CFDP1: variants seen among roughly 807,000 people sequenced by gnomAD.
CFDP1 encodes the protein heterochromatin-stabilizing protein CFDP1.
CFDP1 carries 31 observed loss-of-function variants against 40.1 expected under a neutral mutation model. The observed-to-expected ratio is 0.77, with a 90% CI of 0.58 to 1.04. CFDP1 has a LOEUF of 1.04. Among genes scored for constraint, CFDP1 ranks in the 50% least tolerant of loss-of-function variants. CFDP1 has a pLI of 0.00. For synonymous variants in CFDP1, 167 were observed against 120.0 expected, an observed-to-expected ratio of 1.39 and a Z score of -2.56; for missense variants, 423 against 343.4, an observed-to-expected ratio of 1.23 and a Z score of -1.83.
At chr16:75,431,016 G>T (rs920873269) in intron 1 of CFDP1, among the ~76,000 whole-genome samples, 3 of 152,148 alleles carry the variant, frequency 2.0e-5, no homozygotes, top group Non-Finnish European at 2.9e-5. Context: ...TTGGTTTACA[G>T]CAGTTAAGTA....
At chr16:75,398,936 A>T (rs1038335154) in intron 4 of CFDP1, among the ~76,000 whole-genome samples, 7 of 152,024 alleles carry the variant, frequency 4.6e-5, no homozygotes, top group Admixed American at 4.6e-4. Flanking sequence ...GGGCGCCTGT[A>T]GTCCCAGCTA....
intron 5 of CFDP1, among the ~76,000 whole-genome samples, chr16:75,370,521 C>A (rs904609337): frequency 1.3e-5 from 2 of 152,122 alleles, no homozygotes; most frequent in South Asian, 4.2e-4. Context: ...CAAACCTGCA[C>A]GTTGTGCACA....
intron 5 of CFDP1, among the ~76,000 whole-genome samples, chr16:75,339,502 G>A (rs995708692): frequency 2.6e-5 from 4 of 152,128 alleles, no homozygotes; most frequent in Middle Eastern, 3.4e-3. Flanking sequence ...ATGGTTTGGC[G>A]ACTGTTATGT....
chr16:75,307,841 C>T (rs1443460334), intron 5 of CFDP1, among the ~76,000 whole-genome samples: 2 of 152,190 alleles, frequency 1.3e-5, no homozygotes, highest in African/African-American at 2.4e-5. Context: ...ATTATAGGCA[C>T]AAGCCACCAT....
chr16:75,322,410 C>A (rs2078371196), intron 5 of CFDP1, among the ~76,000 whole-genome samples: 1 of 152,110 alleles, frequency 6.6e-6, no homozygotes, highest in Admixed American at 6.6e-5. Flanking sequence ...CATTGTTGTG[C>A]CCAACATCAC....
In CFDP1 at chr16:75,293,767, A is replaced by G. The variant is rs956849070; in HGVS notation, c.*185T>C. ...TTATTTTATTTATTCATTTAAGGAC[A>G]AATTTTTAAAAGTAAAGTGAATGAA... On this transcript the variant is annotated 3_prime_UTR_variant, in exon 7 of 7. Coordinates refer to ENST00000283882, the MANE Select transcript of CFDP1 (RefSeq NM_006324.3). 6 of 582,810 alleles carry G rather than the reference A, an allele frequency of 1.0e-5. No homozygotes were observed. The African/African-American group carries it at 1.1e-4, about 11-fold the overall frequency. The allele number at this position is 582,810 out of a possible 1,614,324, so 36.1% of individuals were successfully genotyped here.
At chr16:75,338,304 C>A (rs1168993653) in intron 5 of CFDP1, among the ~76,000 whole-genome samples, 1 of 152,060 alleles carries the variant, frequency 6.6e-6, no homozygotes, top group Non-Finnish European at 1.5e-5. Context: ...GACCACTGGG[C>A]CATTTCAGAA....
At chr16:75,391,781 C>A (rs2078953568) in intron 5 of CFDP1, among the ~76,000 whole-genome samples, 2 of 151,616 alleles carry the variant, frequency 1.3e-5, no homozygotes, top group Non-Finnish European at 2.9e-5. Flanking sequence ...CCAGCCTGGA[C>A]AACATGGTGA....
chr16:75,381,601 G>C (rs1451018829), intron 5 of CFDP1, among the ~76,000 whole-genome samples: 7 of 152,174 alleles, frequency 4.6e-5, no homozygotes, highest in African/African-American at 1.4e-4. Flanking sequence ...ACACTAGACT[G>C]GAAAGAAGCC....
intron 5 of CFDP1, among the ~76,000 whole-genome samples, chr16:75,368,368 G>A (rs1472510323): frequency 6.6e-6 from 1 of 152,126 alleles, no homozygotes; most frequent in African/African-American, 2.4e-5. Flanking sequence ...TTCAGTGGAG[G>A]TTTTGGTGGT....
intron 4 of CFDP1, among the ~76,000 whole-genome samples, chr16:75,398,219 C>T (rs1332505231): frequency 1.3e-5 from 2 of 152,230 alleles, no homozygotes; most frequent in East Asian, 1.9e-4. Context: ...CTGACTGACA[C>T]ATTTACATTT....
chr16:75,393,918 G>A (rs1380021983), intron 5 of CFDP1, among the ~76,000 whole-genome samples: 1 of 151,690 alleles, frequency 6.6e-6, no homozygotes, highest in African/African-American at 2.4e-5. Flanking sequence ...GATTAGACGG[G>A]CGTGTTGGCA....
chr16:75,401,524 C>T (rs1045102794), intron 4 of CFDP1, among the ~76,000 whole-genome samples: 64 of 151,790 alleles, frequency 4.2e-4, no homozygotes, highest in African/African-American at 1.5e-3. Flanking sequence ...CGTTTGAACC[C>T]AGGAGGCAGA....
chr16:75,432,407 C>T (rs1330506199), intron 1 of CFDP1, among the ~76,000 whole-genome samples: 1 of 143,890 alleles, frequency 6.9e-6, no homozygotes, highest in Admixed American at 7.0e-5. Flanking sequence ...AAAAAATTAG[C>T]GGGCGTGGCA....
At chr16:75,299,152 C>T (rs2078204516) in intron 6 of CFDP1, among the ~76,000 whole-genome samples, 1 of 152,152 alleles carries the variant, frequency 6.6e-6, no homozygotes. Flanking sequence ...GAGTCTGGAG[C>T]TCAGAGGAAA....
At chr16:75,421,074 C>G (rs2079273775) in intron 1 of CFDP1, among the ~76,000 whole-genome samples, 1 of 152,100 alleles carries the variant, frequency 6.6e-6, no homozygotes, top group Admixed American at 6.5e-5. Flanking sequence ...TGGAGAATCT[C>G]CGGCCAGCCA....
At chr16:75,381,271 C>A (rs559201700) in intron 5 of CFDP1, 93 of 152,120 alleles carry the variant, frequency 6.1e-4, no homozygotes, top group African/African-American at 2.2e-3. Flanking sequence ...GGAGACCAGC[C>A]TGGGTAACAA....
intron 5 of CFDP1, among the ~76,000 whole-genome samples, chr16:75,315,297 A>C (rs1362778149): frequency 4.4e-5 from 6 of 136,166 alleles, no homozygotes; most frequent in Non-Finnish European, 7.7e-5. Flanking sequence ...ATGCCACTAC[A>C]CACCAGCCTG....
At chr16:75,402,602 C>T (rs1261201215) in intron 4 of CFDP1, among the ~76,000 whole-genome samples, 4 of 152,182 alleles carry the variant, frequency 2.6e-5, no homozygotes, top group Non-Finnish European at 5.9e-5. Context: ...CTACAAATTC[C>T]TTCCTGTCAT....
Sources: allele counts gnomAD v4.1 joint callset (sites outside exome capture counted in the v4.1 genomes callset), GRCh38; gene constraint gnomAD v4.1.1; transcripts MANE v1.5; gene names NCBI Gene and HGNC (gene_info 2026-07-23, HGNC 2026-07-21).